Variants in PXDN observed in about 807,000 individuals in gnomAD.
PXDN encodes the protein peroxidasin, also known as peroxidasin homolog.
Under a neutral mutation model 140.3 loss-of-function variants are expected in PXDN, and 77 were observed. The observed-to-expected ratio is 0.55, with a 90% CI of 0.46 to 0.66. The LOEUF (loss-of-function observed/expected upper bound fraction) is 0.66, where lower values mean the gene tolerates loss of function less well. PXDN is among the 30% of genes least tolerant of loss of function. PXDN has a pLI of 0.00. For synonymous variants in PXDN, 911 were observed against 857.4 expected, an observed-to-expected ratio of 1.06 and a Z score of -1.09; for missense variants, 1,838 against 2,039.5, an observed-to-expected ratio of 0.90 and a Z score of 1.90.
chr2:1,634,060 C>T lies in PXDN; in HGVS notation c.*144G>A. On this transcript the variant is annotated 3_prime_UTR_variant, in exon 23 of 23. Transcript: ENST00000252804. Reference sequence around the variant, plus strand: ...TCTGGTTGGAAGCCTCCTGCACTGCCTTCTGTAACAGCACCAGCTGGACGT... The same window carrying T: ...TCTGGTTGGAAGCCTCCTGCACTGCTTTCTGTAACAGCACCAGCTGGACGT... 1 of 1,323,930 alleles carries T rather than the reference C, an allele frequency of 7.6e-7. No homozygotes were observed. Among genetic ancestry groups the T allele is most frequent in the Non-Finnish European group, 1.0e-6 (1 of 979,976 alleles). 82.0% of individuals were successfully genotyped at this position (1,323,930 alleles called of 1,614,324 possible). A position where few individuals can be genotyped will look rare whatever the true frequency, so the allele number is the denominator to read the frequency against.
rs564070737 is a variant in PXDN at position 1,723,415 on chromosome 2, T to C, written c.200+20841A>G. On this transcript the variant is annotated intron_variant, in intron 1 of 22. Coordinates refer to ENST00000252804, the MANE Select transcript of PXDN (RefSeq NM_012293.3). The stretch of plus-strand genomic sequence containing the variant: ...ATGAATGAATGTATTAATGGGTGGG[T>C]GGATGACTGGATAAATAGATGGATG... Among the ~76,000 whole-genome samples the C allele has an allele frequency of 4.0e-4, 60 of 151,808 alleles. 2 individuals are homozygous for C. The South Asian group carries it at 0.012, about 30-fold the overall frequency.
Position 1,655,924 on chromosome 2 carries a change from AC to A in PXDN, c.1838-1417del, listed in dbSNP as rs550674945. ...ACGACACACACATCACATTAGACAC[AC>A]ATACACACCACACAAATACAACACA... is the stretch of plus-strand genomic sequence containing the variant. On this transcript the variant is annotated intron_variant, in intron 14 of 22. Coordinates refer to ENST00000252804, the MANE Select transcript of PXDN (RefSeq NM_012293.3). 4.3e-4 allele frequency among the ~76,000 whole-genome samples: 66 copies of A among 151,902 alleles called. 1 individual carries two copies. Among genetic ancestry groups the A allele is most frequent in the Non-Finnish European group, 1.5e-5 (1 of 67,978 alleles).
chr2:1,643,340 G>C (rs1470969702), intron 19 of PXDN, 28 bp downstream of exon 19: 1 of 1,603,930 alleles, frequency 6.2e-7, no homozygotes, highest in Non-Finnish European at 8.5e-7. Flanking sequence ...GATGAAAAAG[G>C]AACAGACATG....
chr2:1,649,653 C>T lies in PXDN; in HGVS notation c.2127G>A (p.Val709=). 2 of 1,613,950 alleles carry T rather than the reference C, an allele frequency of 1.2e-6. No homozygotes were observed. Among genetic ancestry groups the T allele is most frequent in the Non-Finnish European group, 1.7e-6 (2 of 1,179,886 alleles). ...NGTSYHYNDL[V]SPQYLNLIAN... ...CGATGAGGTTCAGGTACTGTGGAGA[C>T]ACCAGGTCGTTGTAGTGGTAACCTG... The change falls in exon 17 of 23, where the codon GTG becomes GTA. Residue 709 remains valine, a synonymous_variant. Coordinates refer to ENST00000252804, the MANE Select transcript of PXDN (RefSeq NM_012293.3). This position sits in a 1 kb window ranked among gnomAD's most constrained non-coding sequence, Gnocchi z 7.1.
Position 1,687,106 on chromosome 2 carries a change from T to C in PXDN, c.416+526A>G, listed in dbSNP as rs957497491. Among the ~76,000 whole-genome samples, 5 of 152,242 alleles carry C rather than the reference T, an allele frequency of 3.3e-5. No individual in the cohort carries two copies. Among genetic ancestry groups the C allele is most frequent in the Non-Finnish European group, 5.9e-5 (4 of 68,042 alleles). ...GGCCAAAGAAACTAAGAGCGTTTCA[T>C]GACACACTGCATACACTAACTAGAA... is the stretch of plus-strand genomic sequence containing the variant. On this transcript the variant is annotated intron_variant, in intron 4 of 22. Transcript: ENST00000252804. The surrounding 1 kb of genome is among the most constrained non-coding windows in gnomAD (Gnocchi z 4.0).
At chr2:1,740,284 T>C (rs921244541) in intron 1 of PXDN, among the ~76,000 whole-genome samples, 2 of 152,122 alleles carry the variant, frequency 1.3e-5, no homozygotes, top group African/African-American at 4.8e-5. Context: ...GTGACCTCTA[T>C]CTGCGTGTGA....
intron 1 of PXDN, among the ~76,000 whole-genome samples, chr2:1,723,560 G>A (rs751615895): frequency 1.3e-5 from 2 of 152,036 alleles, no homozygotes; most frequent in African/African-American, 2.4e-5. Context: ...ATGGACAGAT[G>A]GATGGACTAA....
At chr2:1,644,777 A>C in intron 17 of PXDN, 25 bp from the exon 18 acceptor site, 1 of 1,474,090 alleles carries the variant, frequency 6.8e-7, no homozygotes, top group Non-Finnish European at 9.1e-7. Flanking sequence ...GAAAACTGAA[A>C]TCTACCTAAC....
Position 1,683,739 on chromosome 2 carries a change from G to T in PXDN, c.489-12C>A. 6.3e-7 allele frequency: 1 copy of T among 1,590,186 alleles called. No individual in the cohort carries two copies. The highest frequency in any genetic ancestry group is 8.6e-7 in the Non-Finnish European group (1 of 1,168,724). Reference sequence around the variant, plus strand: ...TGTTATGCAAAAATCTGTTGAAAGAGATTTTATAACAAACCAATTTTGAAA... The same window carrying T: ...TGTTATGCAAAAATCTGTTGAAAGATATTTTATAACAAACCAATTTTGAAA... On this transcript the variant is annotated splice_polypyrimidine_tract_variant and intron_variant, in intron 5 of 22. Coordinates refer to ENST00000252804, the MANE Select transcript of PXDN (RefSeq NM_012293.3).
chr2:1,738,450 A>G (rs563209496), intron 1 of PXDN, among the ~76,000 whole-genome samples: 70 of 152,310 alleles, frequency 4.6e-4, no homozygotes, highest in African/African-American at 1.6e-3. Context: ...TTAGCTTCTT[A>G]CTGTCAAGCG....
intron 1 of PXDN, among the ~76,000 whole-genome samples, chr2:1,713,876 G>C (rs938043511): frequency 1.3e-5 from 2 of 152,236 alleles, no homozygotes; most frequent in African/African-American, 4.8e-5. Flanking sequence ...TGCTTAAAAA[G>C]AGACATGAGA....
chr2:1,676,951 G>A lies in PXDN; in HGVS notation c.824C>T (p.Pro275Leu). 1 of 1,612,846 alleles carries A rather than the reference G, an allele frequency of 6.2e-7. No individual in the cohort carries two copies. Residue 275 changes from proline to leucine, a missense_variant, in exon 8 of 23, where the codon CCT becomes CTT. Physicochemically the swap from Pro to Leu is moderately conservative, Grantham distance 98. Around this residue, in one of 5 missense-constraint regions of PXDN, gnomAD observed 208 missense variants for 325.8 expected, o/e 0.64. Coordinates refer to ENST00000252804, the MANE Select transcript of PXDN (RefSeq NM_012293.3). ...FTCRAEGNPK[P>L]EIIWLRNNNE... is the part of the protein sequence containing the mutation. The stretch of plus-strand genomic sequence containing the variant: ...CTTGTTTCGCAGCCAGATGATCTCA[G>A]GCTTGGGGTTGCCTTCGGCTCTGCA...
chr2:1,670,671 T>C (rs1683552315), intron 9 of PXDN, among the ~76,000 whole-genome samples: 1 of 152,184 alleles, frequency 6.6e-6, no homozygotes, highest in Non-Finnish European at 1.5e-5. Context: ...AAGTCGGCCT[T>C]GAGGGCATCT....
Position 1,663,755 on chromosome 2 carries a change from G to A in PXDN, c.1417C>T (p.Leu473Phe). Reference protein sequence around the residue: ...VIAWTKGGSQLSVDRRHLVLS... With the variant: ...VIAWTKGGSQFSVDRRHLVLS... ...ACCAGGTGCCGCCGGTCCACGGAGAGCTGGCTCCCTGCAAGGGCATGGGCC... is the reference window on the plus strand; with the variant it reads ...ACCAGGTGCCGCCGGTCCACGGAGAACTGGCTCCCTGCAAGGGCATGGGCC... Residue 473 changes from leucine to phenylalanine, a missense_variant, in exon 12 of 23, where the codon CTC (leucine) becomes TTC (phenylalanine). Around this residue, in one of 5 missense-constraint regions of PXDN, gnomAD observed 537 missense variants for 583.9 expected, o/e 0.92. Transcript: ENST00000252804. The A allele has an allele frequency of 6.2e-7, 1 of 1,612,606 alleles. No homozygotes were observed. The highest frequency in any genetic ancestry group is 8.5e-7 in the Non-Finnish European group (1 of 1,179,846).
chr2:1,682,911 G>C (rs1683948763), intron 6 of PXDN, among the ~76,000 whole-genome samples: 1 of 152,090 alleles, frequency 6.6e-6, no homozygotes, highest in African/African-American at 2.4e-5. Context: ...TTGCACTCTA[G>C]ACTGGCAACA....
intron 22 of PXDN, among the ~76,000 whole-genome samples, chr2:1,634,564 T>C (rs772863948): frequency 6.2e-4 from 94 of 152,248 alleles, no homozygotes; most frequent in Non-Finnish European, 1.2e-3. Flanking sequence ...GAGGCTCCCG[T>C]CCCACCCTTC....
At chr2:1,741,227 A>G (rs1685536080) in intron 1 of PXDN, among the ~76,000 whole-genome samples, 1 of 152,148 alleles carries the variant, frequency 6.6e-6, no homozygotes, top group South Asian at 2.1e-4. Flanking sequence ...GAGGAAAGGA[A>G]GGGGCGTACA....
At chr2:1,662,911 A>C (rs1683339456) in intron 12 of PXDN, among the ~76,000 whole-genome samples, 1 of 152,166 alleles carries the variant, frequency 6.6e-6, no homozygotes, top group South Asian at 2.1e-4. Context: ...CATGGTCCCC[A>C]TGACAAGCTC....
chr2:1,710,852 C>T (rs1572182392), intron 1 of PXDN, among the ~76,000 whole-genome samples: 1 of 101,938 alleles, frequency 9.8e-6, no homozygotes, highest in African/African-American at 4.0e-5. Context: ...TCCACCAGCA[C>T]CCACTCCACC....
Sources: gnomAD v4.1 joint callset for allele counts (sites outside exome capture counted in the v4.1 genomes callset) on GRCh38, gnomAD v4.1.1 for gene constraint, gnomAD v4.1.1 regional missense constraint, Gnocchi (gnomAD v3.1) non-coding constraint, MANE v1.5 for transcripts, NCBI Gene and HGNC (gene_info 2026-07-23, HGNC 2026-07-21) for gene names.